Variants in GAB2 observed in about 807,000 individuals in gnomAD.
GAB2 encodes GRB2-associated-binding protein 2.
A neutral mutation model predicts 65.5 loss-of-function variants in GAB2; 26 were observed. The observed-to-expected ratio is 0.40, with a 90% confidence interval of 0.29 to 0.55. The LOEUF (loss-of-function observed/expected upper bound fraction) is 0.55, where lower values mean the gene tolerates loss of function less well. GAB2 is among the 20% of genes least tolerant of loss of function. The pLI is 0.53. For missense variants in GAB2, 884 were observed against 875.8 expected (o/e 1.01, Z -0.12); for synonymous variants, 321 against 329.6 (o/e 0.97, Z 0.28).
chr11:78,266,813 GTCCA>G (rs1369075237), intron 2 of GAB2, among the ~76,000 whole-genome samples: 1 of 152,160 alleles, frequency 6.6e-6, no homozygotes, highest in African/African-American at 2.4e-5. Flanking sequence ...CTGAAAGCAG[GTCCA>G]TGTCTTATGC....
intron 1 of GAB2, among the ~76,000 whole-genome samples, chr11:78,284,440 G>A (rs1472682215): frequency 6.6e-6 from 1 of 152,206 alleles, no homozygotes; most frequent in Non-Finnish European, 1.5e-5. Context: ...TGGCCTACAG[G>A]CCTGATGGGA....
At chr11:78,290,428 T>C (rs1565144967) in intron 1 of GAB2, among the ~76,000 whole-genome samples, 1 of 152,198 alleles carries the variant, frequency 6.6e-6, no homozygotes, top group South Asian at 2.1e-4. Flanking sequence ...GACCTGGAAG[T>C]TGCATCACTC....
chr11:78,360,274 AG>A (rs1245153630), intron 1 of GAB2, among the ~76,000 whole-genome samples: 5 of 152,176 alleles, frequency 3.3e-5, no homozygotes, highest in Non-Finnish European at 5.9e-5. Flanking sequence ...AGCAACTACA[AG>A]AAACTACTAA....
At chr11:78,314,122 CCT>C (rs1201934872) in intron 1 of GAB2, among the ~76,000 whole-genome samples, 1 of 152,280 alleles carries the variant, frequency 6.6e-6, no homozygotes, top group African/African-American at 2.4e-5. Flanking sequence ...TTCACTGAGC[CCT>C]GAGTCAGGCA....
chr11:78,222,088 C>T lies in GAB2; in HGVS notation c.1658+17G>A, dbSNP rs780804108. The T allele has an allele frequency of 8.4e-6, 13 of 1,548,580 alleles. No individual in the cohort carries two copies. The highest frequency in any genetic ancestry group is 1.1e-5 in the South Asian group (1 of 89,756). ...TGGCCCGACTCCAAGCTCCCACCCC[C>T]ACACATACGCACTTACTTGGCCCTA... is the stretch of plus-strand genomic sequence containing the variant. On this transcript the variant is annotated intron_variant, in intron 7 of 9. Transcript: ENST00000361507.
At chr11:78,262,247 C>T (rs925323839) in intron 2 of GAB2, among the ~76,000 whole-genome samples, 13 of 152,164 alleles carry the variant, frequency 8.5e-5, no homozygotes, top group African/African-American at 1.2e-4. Flanking sequence ...GGAACATGCA[C>T]GTTGGAGTCC....
chr11:78,316,025 TTC>T (rs1470421698), intron 1 of GAB2, among the ~76,000 whole-genome samples: 1 of 152,176 alleles, frequency 6.6e-6, no homozygotes, highest in African/African-American at 2.4e-5. Flanking sequence ...TCTGGCTTCC[TTC>T]TCCCCACTCC....
intron 1 of GAB2, among the ~76,000 whole-genome samples, chr11:78,319,260 G>C (rs1855676922): frequency 6.6e-6 from 1 of 152,170 alleles, no homozygotes; most frequent in Non-Finnish European, 1.5e-5. Flanking sequence ...CCTGTAGTGT[G>C]ATAAAACAGA....
At chr11:78,256,881 C>T (rs1457595038) in intron 2 of GAB2, among the ~76,000 whole-genome samples, 3 of 152,112 alleles carry the variant, frequency 2.0e-5, no homozygotes, top group African/African-American at 7.2e-5. Context: ...TGTAACTGAC[C>T]TTCCTAATGA....
intron 1 of GAB2, among the ~76,000 whole-genome samples, chr11:78,330,452 G>C (rs946868145): frequency 6.6e-6 from 1 of 152,104 alleles, no homozygotes; most frequent in East Asian, 1.9e-4. Flanking sequence ...CCTTACTTTG[G>C]GCCAAGCACT....
chr11:78,245,950 CTTTTTTTT>C (rs59178035), intron 3 of GAB2, among the ~76,000 whole-genome samples: 1 of 145,174 alleles, frequency 6.9e-6, no homozygotes, highest in African/African-American at 2.5e-5. Flanking sequence ...TTCTTTTTTT[CTTTTTTTT>C]TTTTGAGACG....
intron 1 of GAB2, among the ~76,000 whole-genome samples, chr11:78,379,699 T>C (rs1284734049): frequency 2.6e-5 from 4 of 152,240 alleles, no homozygotes; most frequent in Non-Finnish European, 4.4e-5. Context: ...ACAGCTGTCA[T>C]TGCCTGCACA....
intron 1 of GAB2, among the ~76,000 whole-genome samples, chr11:78,281,426 G>C (rs761611510): frequency 5.3e-5 from 8 of 152,080 alleles, no homozygotes; most frequent in Non-Finnish European, 8.8e-5. Flanking sequence ...TGTGTTTTTA[G>C]TAGAGACAGG....
intron 1 of GAB2, among the ~76,000 whole-genome samples, chr11:78,396,748 C>T (rs909803308): frequency 6.6e-6 from 1 of 152,158 alleles, no homozygotes; most frequent in East Asian, 1.9e-4. Context: ...CAGGCATGTG[C>T]CACTGTGCCC....
At chr11:78,273,047 G>T (rs1293807078) in intron 2 of GAB2, among the ~76,000 whole-genome samples, 1 of 152,256 alleles carries the variant, frequency 6.6e-6, no homozygotes. Flanking sequence ...GATTGCAGAG[G>T]ATGTATGGAA....
At chr11:78,289,391 T>C (rs912913716) in intron 1 of GAB2, among the ~76,000 whole-genome samples, 13 of 152,180 alleles carry the variant, frequency 8.5e-5, no homozygotes, top group African/African-American at 3.1e-4. Context: ...ACGTAAAATG[T>C]AAAACTATAA....
chr11:78,303,569 T>C (rs1867091439), intron 1 of GAB2, among the ~76,000 whole-genome samples: 1 of 152,210 alleles, frequency 6.6e-6, no homozygotes, highest in African/African-American at 2.4e-5. Flanking sequence ...ACTGCAGTTT[T>C]ATAATAAGTC....
intron 2 of GAB2, among the ~76,000 whole-genome samples, chr11:78,278,358 C>A (rs957649148): frequency 5.3e-5 from 8 of 151,680 alleles, no homozygotes; most frequent in Non-Finnish European, 1.2e-4. Flanking sequence ...GCGTGAGTCA[C>A]CGTGCCCAGT....
At chr11:78,364,631 T>A (rs1008568295) in intron 1 of GAB2, among the ~76,000 whole-genome samples, 1 of 152,314 alleles carries the variant, frequency 6.6e-6, no homozygotes, top group Middle Eastern at 3.4e-3. Flanking sequence ...GCTTCTCACT[T>A]AATAGCCATC....
Sources: allele counts gnomAD v4.1 joint callset (sites outside exome capture counted in the v4.1 genomes callset), GRCh38; gene constraint gnomAD v4.1.1; transcripts MANE v1.5; gene names NCBI Gene and HGNC (gene_info 2026-07-23, HGNC 2026-07-21).